The following CELF4 variants were observed in gnomAD, a reference collection of about 807,000 sequenced individuals.
CELF4 encodes CUGBP Elav-like family member 4, also known as CUG-BP- and ETR-3-like factor 4.
A neutral mutation model predicts 59.9 loss-of-function variants in CELF4; 18 were observed. The ratio of observed to expected loss-of-function variants is 0.30; its 90% CI spans 0.21 to 0.45. CELF4 has a LOEUF of 0.45. CELF4 is among the 20% of genes least tolerant of loss of function. The pLI is 1.00. For missense variants in CELF4, 456 were observed against 689.0 expected, an observed-to-expected ratio of 0.66 and a Z score of 3.79; for synonymous variants, 261 against 267.1, an observed-to-expected ratio of 0.98 and a Z score of 0.22.
At chr18:37,384,944 C>T (rs143779943) in intron 2 of CELF4, among the ~76,000 whole-genome samples, 4 of 152,346 alleles carry the variant, frequency 2.6e-5, no homozygotes, top group Admixed American at 6.5e-5. Context: ...CGGAACCATA[C>T]GTCTCTGATT....
chr18:37,543,744 A>G (rs1414774459), intron 1 of CELF4, among the ~76,000 whole-genome samples: 2 of 152,196 alleles, frequency 1.3e-5, no homozygotes, highest in African/African-American at 4.8e-5. Flanking sequence ...GACAAATACT[A>G]TTGGCAATGA....
intron 2 of CELF4, among the ~76,000 whole-genome samples, chr18:37,376,367 C>T (rs1690919838): frequency 6.6e-6 from 1 of 152,202 alleles, no homozygotes. Flanking sequence ...CCCTGCCTGG[C>T]TTGGTGTTCT....
intron 2 of CELF4, among the ~76,000 whole-genome samples, chr18:37,355,028 T>C (rs557483195): frequency 1.3e-5 from 2 of 152,362 alleles, no homozygotes; most frequent in South Asian, 2.1e-4. Flanking sequence ...GTGTGCCTAC[T>C]GTGCATATGT....
At chr18:37,504,761 T>C (rs2099935794) in intron 1 of CELF4, among the ~76,000 whole-genome samples, 1 of 152,186 alleles carries the variant, frequency 6.6e-6, no homozygotes, top group Non-Finnish European at 1.5e-5. Flanking sequence ...GGCTCTATTT[T>C]CATTTTTTGG....
intron 2 of CELF4, among the ~76,000 whole-genome samples, chr18:37,364,631 G>A (rs1219898792): frequency 6.6e-6 from 1 of 152,202 alleles, no homozygotes; most frequent in Non-Finnish European, 1.5e-5. Flanking sequence ...ACCAGGCCCA[G>A]GTGTCTGCTC....
intron 1 of CELF4, among the ~76,000 whole-genome samples, chr18:37,494,755 C>T (rs912235824): frequency 1.3e-5 from 2 of 152,138 alleles, no homozygotes; most frequent in African/African-American, 4.8e-5. Flanking sequence ...TTCCTGCTTT[C>T]CCCTCCAGGA....
At chr18:37,400,628 A>G (rs1304616776) in intron 2 of CELF4, among the ~76,000 whole-genome samples, 1 of 152,170 alleles carries the variant, frequency 6.6e-6, no homozygotes, top group Non-Finnish European at 1.5e-5. Context: ...TCTTCATTGA[A>G]CCAACTGCCC....
At chr18:37,453,448 G>A (rs527248255) in intron 2 of CELF4, among the ~76,000 whole-genome samples, 35 of 152,352 alleles carry the variant, frequency 2.3e-4, no homozygotes, top group African/African-American at 7.2e-4. Context: ...AGTACTGACC[G>A]TGTGACACTC....
At chr18:37,535,091 C>A (rs768929602) in intron 1 of CELF4, among the ~76,000 whole-genome samples, 2 of 152,194 alleles carry the variant, frequency 1.3e-5, no homozygotes, top group Admixed American at 6.5e-5. Context: ...ACCTGGCTGC[C>A]GTGTGGCCTC....
intron 1 of CELF4, among the ~76,000 whole-genome samples, chr18:37,492,930 T>C (rs576734445): frequency 6.6e-6 from 1 of 152,182 alleles, no homozygotes; most frequent in East Asian, 1.9e-4. Flanking sequence ...CTCTCTCTGC[T>C]CTTCTCTGTG....
chr18:37,391,475 G>T (rs1053194599), intron 2 of CELF4, among the ~76,000 whole-genome samples: 5 of 152,194 alleles, frequency 3.3e-5, no homozygotes, highest in African/African-American at 1.2e-4. Context: ...ACTTGCCAAG[G>T]TCCCATGTGG....
At chr18:37,278,223 C>G (rs2093644449) in intron 3 of CELF4, among the ~76,000 whole-genome samples, 1 of 152,148 alleles carries the variant, frequency 6.6e-6, no homozygotes, top group South Asian at 2.1e-4. Flanking sequence ...TCTTCCTCCC[C>G]ATCTGGATTT....
chr18:37,272,811 G>T (rs1001961923), intron 7 of CELF4, among the ~76,000 whole-genome samples: 1 of 152,222 alleles, frequency 6.6e-6, no homozygotes, highest in African/African-American at 2.4e-5. Flanking sequence ...ACGGTAGACT[G>T]CATGGGTCCC....
At chr18:37,411,442 TG>T (rs1261006777) in intron 2 of CELF4, among the ~76,000 whole-genome samples, 4 of 151,992 alleles carry the variant, frequency 2.6e-5, no homozygotes, top group African/African-American at 9.7e-5. Flanking sequence ...CCTGGTCCCA[TG>T]GGTATCTGTG....
chr18:37,294,527 A>G (rs2095531366), intron 3 of CELF4, among the ~76,000 whole-genome samples: 1 of 152,252 alleles, frequency 6.6e-6, no homozygotes, highest in Admixed American at 6.5e-5. Context: ...CTGGTGAACC[A>G]CTGTGGTTCC....
intron 2 of CELF4, among the ~76,000 whole-genome samples, chr18:37,346,871 C>T (rs1334493711): frequency 1.3e-5 from 2 of 152,094 alleles, no homozygotes; most frequent in Non-Finnish European, 2.9e-5. Flanking sequence ...ATGATCCCAT[C>T]CCAGGGTGTC....
At chr18:37,323,397 C>T (rs985674519) in intron 2 of CELF4, among the ~76,000 whole-genome samples, 5 of 152,188 alleles carry the variant, frequency 3.3e-5, no homozygotes, top group African/African-American at 1.2e-4. Flanking sequence ...TGCCATGTTA[C>T]AGCAAATTCC....
chr18:37,421,073 C>T (rs1226182121), intron 2 of CELF4, among the ~76,000 whole-genome samples: 1 of 152,110 alleles, frequency 6.6e-6, no homozygotes, highest in Non-Finnish European at 1.5e-5. Flanking sequence ...GTCTTTGGTC[C>T]TGATCTTTCT....
chr18:37,280,467 TGGGCCCAGAGCCTCTTCATTG>T (rs1333484539), intron 3 of CELF4, among the ~76,000 whole-genome samples: 1 of 152,146 alleles, frequency 6.6e-6, no homozygotes, highest in African/African-American at 2.4e-5. Flanking sequence ...CTTTGGTCTA[TGGGCCCAGAGCCTCTTCATTG>T]GAGCCCCTGA....
Sources: gnomAD v4.1 joint callset for allele counts (sites outside exome capture counted in the v4.1 genomes callset) on GRCh38, gnomAD v4.1.1 for gene constraint, MANE v1.5 for transcripts, NCBI Gene and HGNC (gene_info 2026-07-23, HGNC 2026-07-21) for gene names.